Variants in SESTD1 observed in about 807,000 individuals in gnomAD.
The protein encoded by SESTD1 is SEC14 domain and spectrin repeat-containing protein 1.
Under a neutral mutation model 101.7 loss-of-function variants are expected in SESTD1, and 43 were observed. The observed-to-expected ratio is 0.42, with a 90% CI of 0.33 to 0.55. SESTD1 has a LOEUF of 0.55. SESTD1 is among the 20% of genes least tolerant of loss of function. SESTD1 has a pLI of 0.07. For missense variants in SESTD1, 647 were observed against 815.1 expected, an observed-to-expected ratio of 0.79 and a Z score of 2.51; for synonymous variants, 283 against 286.8, an observed-to-expected ratio of 0.99 and a Z score of 0.13.
At chr2:179,146,183 T>A (rs2045392117) in intron 8 of SESTD1, among the ~76,000 whole-genome samples, 1 of 152,128 alleles carries the variant, frequency 6.6e-6, no homozygotes, top group Non-Finnish European at 1.5e-5. Flanking sequence ...AAGAACCTAA[T>A]GCCTGATGAT....
intron 1 of SESTD1, among the ~76,000 whole-genome samples, chr2:179,220,009 T>TA (rs2046790243): frequency 6.6e-6 from 1 of 152,156 alleles, no homozygotes; most frequent in Non-Finnish European, 1.5e-5. Flanking sequence ...AAGTTTTCTA[T>TA]AAAACTACTG....
intron 8 of SESTD1, among the ~76,000 whole-genome samples, chr2:179,144,838 A>C (rs1436270204): frequency 6.6e-6 from 1 of 152,010 alleles, no homozygotes; most frequent in Non-Finnish European, 1.5e-5. Context: ...TTAAATTTAC[A>C]ATAGAAATTG....
intron 1 of SESTD1, among the ~76,000 whole-genome samples, chr2:179,246,425 T>C (rs2047232498): frequency 6.6e-6 from 1 of 152,018 alleles, no homozygotes; most frequent in Non-Finnish European, 1.5e-5. Context: ...AAGCAAAAAC[T>C]AAAGAACTAA....
intron 5 of SESTD1, among the ~76,000 whole-genome samples, chr2:179,163,967 A>G (rs1000092106): frequency 6.6e-6 from 1 of 152,172 alleles, no homozygotes; most frequent in African/African-American, 2.4e-5. Flanking sequence ...CCAAAAACCT[A>G]CCACTGAAAC....
At position 179,216,275 on chromosome 2, in the gene SESTD1, C is replaced by T. The variant is rs187027290; in HGVS notation, c.-25-24409G>A. Among the ~76,000 whole-genome samples, 23 of 135,546 alleles carry T rather than the reference C, an allele frequency of 1.7e-4. 2 individuals carry two copies. In the East Asian group the frequency reaches 2.0e-3, roughly 12 times the overall value. The allele number at this position is 135,546 out of a possible 152,430, so 88.9% of individuals were successfully genotyped here. A position where few individuals can be genotyped will look rare whatever the true frequency, so the allele number is the denominator to read the frequency against. On this transcript the variant is annotated intron_variant, in intron 1 of 17. Transcript: ENST00000428443. ...CCCAAAATCTCCTTAAGCTGATAAG[C>T]AACTTCAGCAAAGTCTCAGGATACA...
At chr2:179,124,312 G>A (rs2289992) in intron 11 of SESTD1, 52 bp downstream of exon 11, 549,491 of 1,528,812 alleles carry the variant, frequency 0.36, 108,032 homozygotes, top group African/African-American at 0.75. Flanking sequence ...TTACGTGTAG[G>A]TAAGTGTTCA....
At chr2:179,261,508 A>G (rs1454160049) in intron 1 of SESTD1, among the ~76,000 whole-genome samples, 1 of 152,200 alleles carries the variant, frequency 6.6e-6, no homozygotes, top group Non-Finnish European at 1.5e-5. Context: ...GCATCATTTA[A>G]AACATTAAAT....
rs146149735 is a variant in SESTD1 at position 179,121,872 on chromosome 2, T to C, written c.1340A>G (p.Asn447Ser). The C allele has an allele frequency of 1.5e-4, 247 of 1,609,574 alleles. 3 individuals are homozygous for C. The African/African-American group carries it at 2.6e-3, about 17-fold the overall frequency. Residue 447 changes from asparagine to serine, a missense_variant, in exon 13 of 18, where the codon AAT becomes AGT. By Grantham distance (46) the Asn-to-Ser change is conservative. Coordinates refer to ENST00000428443, the MANE Select transcript of SESTD1 (RefSeq NM_178123.5). The stretch of plus-strand genomic sequence containing the variant: ...CTTTCCATAGGCCCAGGATGCCTGA[T>C]TGGAGATCTGATCCAGGAGACCTTG... ...KGQGLLDQIS[N>S]QASWAYGKDV... is the part of the protein sequence containing the mutation.
chr2:179,229,314 G>T (rs2046939866), intron 1 of SESTD1, among the ~76,000 whole-genome samples: 1 of 152,116 alleles, frequency 6.6e-6, no homozygotes, highest in Non-Finnish European at 1.5e-5. Context: ...GAGGGAAAAA[G>T]GCCGAATTCT....
intron 2 of SESTD1, among the ~76,000 whole-genome samples, chr2:179,188,312 A>C (rs2046266480): frequency 6.6e-6 from 1 of 152,232 alleles, no homozygotes; most frequent in African/African-American, 2.4e-5. Context: ...AAAATTAAAC[A>C]GCTTGCATTT....
intron 1 of SESTD1, among the ~76,000 whole-genome samples, chr2:179,233,116 CAG>C (rs1277407149): frequency 1.3e-5 from 2 of 152,150 alleles, no homozygotes; most frequent in South Asian, 2.1e-4. Flanking sequence ...TCAAATGACT[CAG>C]GGAAAATTTA....
chr2:179,242,728 C>G (rs923612138), intron 1 of SESTD1, among the ~76,000 whole-genome samples: 22 of 152,246 alleles, frequency 1.4e-4, no homozygotes, highest in African/African-American at 5.1e-4. Flanking sequence ...ATAAATGGTG[C>G]TGGGATAATT....
chr2:179,240,793 A>C (rs1365298183), intron 1 of SESTD1, among the ~76,000 whole-genome samples: 1 of 152,144 alleles, frequency 6.6e-6, no homozygotes, highest in East Asian at 1.9e-4. Context: ...GAGAAAGCCA[A>C]GTAGGGATCC....
At chr2:179,247,869 T>TA (rs1349806423) in intron 1 of SESTD1, among the ~76,000 whole-genome samples, 1 of 151,012 alleles carries the variant, frequency 6.6e-6, no homozygotes, top group African/African-American at 2.4e-5. Context: ...TCAAGGAAAA[T>TA]AAAAAAATAC....
At chr2:179,254,883 C>T (rs2047369664) in intron 1 of SESTD1, among the ~76,000 whole-genome samples, 1 of 152,204 alleles carries the variant, frequency 6.6e-6, no homozygotes, top group African/African-American at 2.4e-5. Flanking sequence ...ATTTTTCCAA[C>T]AGCATGTGTT....
chr2:179,216,390 A>C (rs566063345), intron 1 of SESTD1, among the ~76,000 whole-genome samples: 1 of 135,000 alleles, frequency 7.4e-6, no homozygotes, highest in Admixed American at 7.2e-5. Context: ...CAATTGCTTC[A>C]GAGAATAAAA....
chr2:179,188,554 G>A (rs975247491), intron 2 of SESTD1, among the ~76,000 whole-genome samples: 9 of 152,128 alleles, frequency 5.9e-5, no homozygotes, highest in East Asian at 1.9e-4. Context: ...CTGGAGGATC[G>A]CTTAAGCTCA....
At chr2:179,193,147 T>C (rs914810309) in intron 1 of SESTD1, among the ~76,000 whole-genome samples, 1 of 151,816 alleles carries the variant, frequency 6.6e-6, no homozygotes, top group African/African-American at 2.4e-5. Flanking sequence ...AAAAAATAGA[T>C]GTTGAGGAAA....
chr2:179,112,843 A>G lies in SESTD1; in HGVS notation c.1842T>C (p.Ile614=), dbSNP rs1301322561. 6.2e-7 allele frequency: 1 copy of G among 1,607,038 alleles called. No individual in the cohort carries two copies. Among genetic ancestry groups the G allele is most frequent in the Admixed American group, 1.7e-5 (1 of 58,972 alleles). Residue 614 remains isoleucine, a splice_region_variant and synonymous_variant, in exon 17 of 18, where the codon ATT becomes ATC. Coordinates refer to ENST00000428443, the MANE Select transcript of SESTD1 (RefSeq NM_178123.5). ...AIAFHSNAEK[I]LQDCPEEPEA... ...CAGGCTCTTCTGGACAGTCCTGCAAAATCTGCAACAAATAAAAGAGCAACA... is the reference window on the plus strand; with the variant it reads ...CAGGCTCTTCTGGACAGTCCTGCAAGATCTGCAACAAATAAAAGAGCAACA...
Sources: allele counts gnomAD v4.1 joint callset (sites outside exome capture counted in the v4.1 genomes callset), GRCh38; gene constraint gnomAD v4.1.1; transcripts MANE v1.5; gene names NCBI Gene and HGNC (gene_info 2026-07-23, HGNC 2026-07-21).